Variants in PGM1 observed in about 807,000 individuals in gnomAD.
PGM1 encodes phosphoglucomutase-1.
In PGM1, 52 loss-of-function variants were observed where a neutral mutation model predicts 55.6. The ratio of observed to expected loss-of-function variants is 0.94; its 90% CI spans 0.75 to 1.18. PGM1 has a LOEUF of 1.18. Among genes scored for constraint, PGM1 ranks in the 50% most tolerant of loss-of-function variants. PGM1 has a pLI of 0.00. For missense variants in PGM1, 724 were observed against 729.3 expected, an observed-to-expected ratio of 0.99 and a Z score of 0.08; for synonymous variants, 287 against 271.7, an observed-to-expected ratio of 1.06 and a Z score of -0.55.
intron 6 of PGM1, among the ~76,000 whole-genome samples, chr1:63,638,120 T>TA (rs1649409909): frequency 6.6e-6 from 1 of 152,224 alleles, no homozygotes; most frequent in Non-Finnish European, 1.5e-5. Flanking sequence ...AGCCAGTACT[T>TA]AGGGGAGACC....
At chr1:63,657,898 G>A (rs1650007983) in intron 10 of PGM1, among the ~76,000 whole-genome samples, 1 of 152,228 alleles carries the variant, frequency 6.6e-6, no homozygotes, top group Non-Finnish European at 1.5e-5. Flanking sequence ...CAAGAGAAAA[G>A]GAAGAAGGAA....
At chr1:63,654,268 C>A in intron 9 of PGM1, 64 bp from the exon 10 acceptor site, 3 of 1,534,594 alleles carry the variant, frequency 2.0e-6, no homozygotes, top group Non-Finnish European at 2.7e-6. Context: ...ATAGACCCCT[C>A]ATAATTTGCC....
intron 1 of PGM1, among the ~76,000 whole-genome samples, chr1:63,619,610 C>A (rs1242210622): frequency 2.6e-5 from 4 of 152,230 alleles, no homozygotes; most frequent in African/African-American, 7.2e-5. Flanking sequence ...GGTTTATATT[C>A]TTTTTGCTTA....
chr1:63,628,502 A>G (rs561135193), intron 1 of PGM1, among the ~76,000 whole-genome samples: 1 of 152,326 alleles, frequency 6.6e-6, no homozygotes, highest in Admixed American at 6.5e-5. Context: ...CTAGAAACAC[A>G]TCTTCCACCA....
chr1:63,612,438 T>C (rs1648593882), intron 1 of PGM1, among the ~76,000 whole-genome samples: 4 of 152,208 alleles, frequency 2.6e-5, no homozygotes, highest in Admixed American at 2.0e-4. Flanking sequence ...AGTTAAATTA[T>C]ACATTTATAG....
At position 63,648,562 on chromosome 1, in the gene PGM1, C is replaced by T. The variant is rs761767886; in HGVS notation, c.1190C>T (p.Ala397Val). 3 of 1,614,054 alleles carry T rather than the reference C, an allele frequency of 1.9e-6. No homozygotes were observed. The highest frequency in any genetic ancestry group is 1.7e-6 in the Non-Finnish European group (2 of 1,179,920). ...REKDGLWAVL[A>V]WLSILATRKQ... ...AAAGATGGACTGTGGGCTGTCCTTG[C>T]CTGGCTCTCCATCCTAGCCACCCGC... Residue 397 changes from alanine to valine, a missense_variant, in exon 8 of 11, where the codon GCC becomes GTC. Transcript: ENST00000371084.
chr1:63,623,780 T>C (rs1371382074), intron 1 of PGM1: 1 of 1,560,242 alleles, frequency 6.4e-7, no homozygotes, highest in Admixed American at 1.7e-5. Flanking sequence ...TGATAAGTAT[T>C]GTTATGTTTC....
At chr1:63,658,799 T>C (rs1650035998) in intron 10 of PGM1, among the ~76,000 whole-genome samples, 1 of 138,062 alleles carries the variant, frequency 7.2e-6, no homozygotes, top group Non-Finnish European at 1.7e-5. Context: ...TTCACACTGC[T>C]GATAAAGACA....
intron 9 of PGM1, among the ~76,000 whole-genome samples, chr1:63,652,573 T>TGTC (rs1649838948): frequency 2.5e-5 from 1 of 40,162 alleles, no homozygotes; most frequent in Non-Finnish European, 4.8e-5. Context: ...TTCTGTTGCC[T>TGTC]GTTGTCACAG....
rs201354576 is a variant in PGM1 at position 63,593,668 on chromosome 1, C to T, written c.180C>T (p.Gly60=). 1.6e-5 allele frequency: 25 copies of T among 1,605,932 alleles called. No individual in the cohort carries two copies. Among genetic ancestry groups the T allele is most frequent in the Non-Finnish European group, 2.0e-5 (24 of 1,176,898 alleles). The change falls in exon 1 of 11, where the codon GGC becomes GGT. Residue 60 remains glycine, a synonymous_variant. Coordinates refer to ENST00000371084, the MANE Select transcript of PGM1 (RefSeq NM_002633.3). ...GGCAGGAGGCCACGCTGGTGGTGGGCGGGGACGGCCGGTTCTACATGAAGG... is the reference window on the plus strand; with the variant it reads ...GGCAGGAGGCCACGCTGGTGGTGGGTGGGGACGGCCGGTTCTACATGAAGG... The part of the protein sequence containing the change: ...AQRQEATLVV[G]GDGRFYMKEA...
At chr1:63,646,258 T>C (rs1557440791) in intron 7 of PGM1, among the ~76,000 whole-genome samples, 2 of 152,168 alleles carry the variant, frequency 1.3e-5, no homozygotes, top group Non-Finnish European at 2.9e-5. Context: ...AGCATGATTA[T>C]AGAGCAATTG....
chr1:63,619,210 G>A (rs1258282219), intron 1 of PGM1, among the ~76,000 whole-genome samples: 9 of 152,244 alleles, frequency 5.9e-5, no homozygotes, highest in Admixed American at 5.9e-4. Context: ...ATGGCCTGGA[G>A]TCAGGGTCCT....
chr1:63,653,078 G>A (rs1649858434), intron 9 of PGM1, among the ~76,000 whole-genome samples: 1 of 152,202 alleles, frequency 6.6e-6, no homozygotes, highest in South Asian at 2.1e-4. Flanking sequence ...TCTGGCATCT[G>A]CCAGGAGGGA....
chr1:63,613,703 C>CTTT (rs56355869), intron 1 of PGM1, among the ~76,000 whole-genome samples: 15 of 121,550 alleles, frequency 1.2e-4, no homozygotes, highest in Non-Finnish European at 1.7e-4. Context: ...TTCAATGTAT[C>CTTT]TTTTTTTTTT....
In PGM1 at chr1:63,594,176, C is replaced by T. The variant is rs188931619; in HGVS notation, c.246+442C>T. The stretch of plus-strand genomic sequence containing the variant: ...CTGCCGCCGCCTCGCCCAGAGCCCC[C>T]TCGCATCCCGCCCGCTCCTCTGCTA... On this transcript the variant is annotated intron_variant, in intron 1 of 10. Transcript: ENST00000371084. 4.1e-3 allele frequency: 3,934 copies of T among 960,040 alleles called. 9 individuals carry two copies. Among genetic ancestry groups the T allele is most frequent in the Non-Finnish European group, 4.7e-3 (3,800 of 805,984 alleles). The allele number at this position is 960,040 out of a possible 1,614,324, so 59.5% of individuals were successfully genotyped here. A position where few individuals can be genotyped will look rare whatever the true frequency, so the allele number is the denominator to read the frequency against.
chr1:63,635,987 G>A (rs959690151), intron 5 of PGM1, among the ~76,000 whole-genome samples: 3 of 152,358 alleles, frequency 2.0e-5, no homozygotes, highest in African/African-American at 7.2e-5. Context: ...AGAGGACTCA[G>A]CTCAAAAGGA....
At chr1:63,643,421 A>G (rs1467535962) in intron 7 of PGM1, among the ~76,000 whole-genome samples, 1 of 152,208 alleles carries the variant, frequency 6.6e-6, no homozygotes, top group Non-Finnish European at 1.5e-5. Context: ...AGGCACTTAA[A>G]CTACCTTCTT....
intron 4 of PGM1, among the ~76,000 whole-genome samples, chr1:63,633,918 GTA>G (rs1557433667): frequency 3.7e-5 from 1 of 26,756 alleles, no homozygotes; most frequent in African/African-American, 1.2e-4. Context: ...GTGTGTGTGT[GTA>G]TATATATATA....
At chr1:63,647,518 T>C (rs1294445854) in intron 7 of PGM1, among the ~76,000 whole-genome samples, 1 of 149,472 alleles carries the variant, frequency 6.7e-6, no homozygotes, top group African/African-American at 2.4e-5. Flanking sequence ...TATATAAATA[T>C]ATAAAAAGAC....
Sources: allele counts gnomAD v4.1 joint callset (sites outside exome capture counted in the v4.1 genomes callset), GRCh38; gene constraint gnomAD v4.1.1; transcripts MANE v1.5; gene names NCBI Gene and HGNC (gene_info 2026-07-23, HGNC 2026-07-21).